Variants in XRCC4 observed in about 807,000 individuals in gnomAD.
XRCC4 encodes X-ray repair cross complementing 4.
XRCC4 carries 28 observed loss-of-function variants against 39.1 expected under a neutral mutation model. That is an observed-to-expected ratio of 0.72 (90% confidence interval 0.53 to 0.98). XRCC4 has a LOEUF of 0.98. Among genes scored for constraint, XRCC4 ranks in the 50% least tolerant of loss-of-function variants. XRCC4 has a pLI of 0.00. For synonymous variants in XRCC4, 123 were observed against 126.4 expected (o/e 0.97, Z 0.18); for missense variants, 350 against 376.4 (o/e 0.93, Z 0.58).
chr5:83,249,286 T>A (rs1753223018), intron 6 of XRCC4, among the ~76,000 whole-genome samples: 1 of 152,154 alleles, frequency 6.6e-6, no homozygotes, highest in South Asian at 2.1e-4. Context: ...GACCATTTGG[T>A]ATAGATTTTT....
At chr5:83,284,981 A>G (rs971458791) in intron 7 of XRCC4, among the ~76,000 whole-genome samples, 2 of 152,114 alleles carry the variant, frequency 1.3e-5, no homozygotes, top group Non-Finnish European at 2.9e-5. Context: ...AGAAATGAGG[A>G]AGATTATTTA....
At chr5:83,358,899 G>C in the XRCC4 span, among the ~76,000 whole-genome samples, 5 of 152,316 alleles carry the variant, frequency 3.3e-5, no homozygotes, top group Admixed American at 6.5e-5. Flanking sequence ...GAAAGGCGGA[G>C]AAGCGACTGC....
In XRCC4 at chr5:83,209,083, A is replaced by AGTGTGTGT. The variant is rs35019637; in HGVS notation, c.745+4194_745+4201dup. Among the ~76,000 whole-genome samples, 601 of 143,670 alleles carry AGTGTGTGT rather than the reference A, an allele frequency of 4.2e-3. 8 individuals are homozygous for AGTGTGTGT. The highest frequency in any genetic ancestry group is 0.013 in the African/African-American group (479 of 38,244). 94.3% of individuals were successfully genotyped at this position (143,670 alleles called of 152,430 possible). On this transcript the variant is annotated intron_variant, in intron 6 of 7. Transcript: ENST00000396027. ...CTGGACTCCTCCTGCCTCCAAAGTG[A>AGTGTGTGT]GTGTGTGTGTGTGTGTGTGTGTGTG...
intron 7 of XRCC4, among the ~76,000 whole-genome samples, chr5:83,347,321 T>C (rs1756946224): frequency 6.6e-6 from 1 of 152,178 alleles, no homozygotes; most frequent in East Asian, 1.9e-4. Flanking sequence ...TATAAAGACA[T>C]GTCTGAGACT....
At chr5:83,330,783 A>C (rs1248915537) in intron 7 of XRCC4, among the ~76,000 whole-genome samples, 2 of 152,070 alleles carry the variant, frequency 1.3e-5, no homozygotes, top group Admixed American at 6.6e-5. Context: ...ATTGAGGAGC[A>C]ATTTAAGATA....
chr5:83,085,206 C>G (rs1234896530), intron 1 of XRCC4, among the ~76,000 whole-genome samples: 1 of 152,144 alleles, frequency 6.6e-6, no homozygotes, highest in Non-Finnish European at 1.5e-5. Flanking sequence ...TCATTTGAAA[C>G]AGAAGCACAT....
At chr5:83,264,159 T>C (rs926655394) in intron 7 of XRCC4, among the ~76,000 whole-genome samples, 10 of 152,158 alleles carry the variant, frequency 6.6e-5, no homozygotes, top group Admixed American at 5.9e-4. Flanking sequence ...ATGCTTACAG[T>C]ATTATCCTTG....
chr5:83,193,931 TTTGTTG>T (rs913374856), intron 3 of XRCC4, among the ~76,000 whole-genome samples: 4 of 152,056 alleles, frequency 2.6e-5, no homozygotes, highest in African/African-American at 9.7e-5. Context: ...TTTTTTTGTT[TTTGTTG>T]TTGTTGTTGT....
chr5:83,286,264 T>C (rs982422035), intron 7 of XRCC4, among the ~76,000 whole-genome samples: 1 of 152,172 alleles, frequency 6.6e-6, no homozygotes, highest in Non-Finnish European at 1.5e-5. Context: ...ACATTTACTT[T>C]TCTGTCTGAC....
chr5:83,082,966 C>T (rs1443668027), intron 1 of XRCC4, among the ~76,000 whole-genome samples: 1 of 151,988 alleles, frequency 6.6e-6, no homozygotes, highest in Non-Finnish European at 1.5e-5. Context: ...TACCACAGGG[C>T]CTTTGCACTG....
intron 7 of XRCC4, among the ~76,000 whole-genome samples, chr5:83,349,901 C>A (rs1202066921): frequency 6.6e-6 from 1 of 152,000 alleles, no homozygotes; most frequent in Non-Finnish European, 1.5e-5. Context: ...GTTTTTCAAC[C>A]CATGACCCCT....
At chr5:83,299,379 GTTTCT>G (rs1561461794) in intron 7 of XRCC4, among the ~76,000 whole-genome samples, 1 of 152,026 alleles carries the variant, frequency 6.6e-6, no homozygotes, top group Non-Finnish European at 1.5e-5. Flanking sequence ...CAAAATGTAG[GTTTCT>G]TTTTAGTTAT....
intron 3 of XRCC4, among the ~76,000 whole-genome samples, chr5:83,152,983 C>T (rs1748785953): frequency 6.6e-6 from 1 of 152,110 alleles, no homozygotes; most frequent in Non-Finnish European, 1.5e-5. Context: ...GTGTCTATCA[C>T]CAAAGTCACA....
intron 6 of XRCC4, among the ~76,000 whole-genome samples, chr5:83,235,363 G>GAAA (rs1027128712): frequency 1.4e-5 from 2 of 139,312 alleles, no homozygotes. Flanking sequence ...AGAAAGAAAG[G>GAAA]AAAAAAAAAA....
intron 7 of XRCC4, among the ~76,000 whole-genome samples, chr5:83,286,245 C>T (rs1580466751): frequency 6.6e-6 from 1 of 152,124 alleles, no homozygotes; most frequent in East Asian, 1.9e-4. Context: ...TCTAACTTTT[C>T]TGGCTCACAC....
rs187063128 is a variant in XRCC4, at chr5:83,110,511, T to C, written c.140-517T>C. On this transcript the variant is annotated intron_variant, in intron 2 of 7. Coordinates refer to ENST00000396027, the MANE Select transcript of XRCC4 (RefSeq NM_003401.5). ...GAGATGCTCGTACATTTTAGTTTCC[T>C]TCCTATTATTTCCTTATCATCTCCT... Among the ~76,000 whole-genome samples the C allele has an allele frequency of 2.5e-3, 376 of 152,144 alleles. 3 individuals are homozygous for C. Among genetic ancestry groups the C allele is most frequent in the African/African-American group, 8.4e-3 (349 of 41,540 alleles).
At chr5:83,244,224 C>CAT (rs113161797) in intron 6 of XRCC4, among the ~76,000 whole-genome samples, 27,624 of 151,964 alleles carry the variant, frequency 0.18, 5,367 homozygotes, top group African/African-American at 0.49. Context: ...TGTTCTTTCA[C>CAT]GTCAGTAATT....
intron 3 of XRCC4, among the ~76,000 whole-genome samples, chr5:83,163,204 C>T (rs55932316): frequency 0.33 from 50,086 of 151,882 alleles, 9,050 homozygotes; most frequent in Non-Finnish European, 0.41. Flanking sequence ...GCCTGGGCCT[C>T]CCAAAGTGCT....
chr5:83,223,308 AC>A (rs1752158115), intron 6 of XRCC4, among the ~76,000 whole-genome samples: 3 of 152,244 alleles, frequency 2.0e-5, no homozygotes, highest in Admixed American at 2.0e-4. Flanking sequence ...TTTTCAGGAT[AC>A]AGTTCTATTT....
Sources: gnomAD v4.1 joint callset for allele counts (sites outside exome capture counted in the v4.1 genomes callset) on GRCh38, gnomAD v4.1.1 for gene constraint, MANE v1.5 for transcripts, NCBI Gene and HGNC (gene_info 2026-07-23, HGNC 2026-07-21) for gene names.